GABRB1: variants seen among roughly 807,000 people sequenced by gnomAD.
The protein encoded by GABRB1 is gamma-aminobutyric acid receptor subunit beta-1.
A neutral mutation model predicts 51.6 loss-of-function variants in GABRB1; 17 were observed. That is an observed-to-expected ratio of 0.33 (90% confidence interval 0.23 to 0.49). The LOEUF (loss-of-function observed/expected upper bound fraction) is 0.49. Ranked by LOEUF, GABRB1 falls within the 20% of genes least tolerant of loss-of-function variation. The pLI is 0.99. For synonymous variants in GABRB1, 247 were observed against 218.9 expected, an observed-to-expected ratio of 1.13 and a Z score of -1.14; for missense variants, 410 against 600.6, an observed-to-expected ratio of 0.68 and a Z score of 3.32.
chr4:47,370,350 G>C (rs189958504), intron 5 of GABRB1, among the ~76,000 whole-genome samples: 3 of 152,130 alleles, frequency 2.0e-5, no homozygotes, highest in Non-Finnish European at 4.4e-5. Context: ...AGCTGGGCAT[G>C]GTGCCAGGCA....
chr4:47,140,250 T>C (rs940952728), intron 3 of GABRB1, among the ~76,000 whole-genome samples: 1 of 152,016 alleles, frequency 6.6e-6, no homozygotes, highest in Admixed American at 6.6e-5. Flanking sequence ...ACATTTTGTC[T>C]GACTTTTTCA....
chr4:47,134,802 G>A (rs1336646650), intron 3 of GABRB1, among the ~76,000 whole-genome samples: 2 of 152,150 alleles, frequency 1.3e-5, no homozygotes. Flanking sequence ...GGAAGGACAA[G>A]TAAGACTTTA....
Position 47,032,492 on chromosome 4 carries a change from G to A in GABRB1, c.240+8G>A, listed in dbSNP as rs776324195. On this transcript the variant is annotated splice_region_variant and intron_variant, in intron 3 of 8. Transcript: ENST00000295454. Reference sequence around the variant, plus strand: ...GTCTCCGAAGTGAATATGGTGAGTGGCCTCCCGAGGGGCCCGGCGGTTCGG... The same window carrying A: ...GTCTCCGAAGTGAATATGGTGAGTGACCTCCCGAGGGGCCCGGCGGTTCGG... The A allele has an allele frequency of 6.2e-7, 1 of 1,613,556 alleles. No homozygotes were observed. Among genetic ancestry groups the A allele is most frequent in the Non-Finnish European group, 8.5e-7 (1 of 1,179,624 alleles).
chr4:47,185,966 A>G (rs1324308997), intron 4 of GABRB1, among the ~76,000 whole-genome samples: 1 of 151,826 alleles, frequency 6.6e-6, no homozygotes, highest in Non-Finnish European at 1.5e-5. Flanking sequence ...GAGGAGTACC[A>G]TGCGTGGCTA....
intron 4 of GABRB1, among the ~76,000 whole-genome samples, chr4:47,245,807 C>T (rs185872967): frequency 6.8e-6 from 1 of 147,952 alleles, no homozygotes; most frequent in African/African-American, 2.5e-5. Flanking sequence ...GTGGTCTTTT[C>T]GTTTTTCTTT....
intron 4 of GABRB1, among the ~76,000 whole-genome samples, chr4:47,262,980 G>C (rs1050781326): frequency 8.8e-5 from 13 of 147,206 alleles, no homozygotes; most frequent in Admixed American, 5.6e-4. Flanking sequence ...ACTCATAGGT[G>C]GGAATTGAAC....
chr4:47,251,974 G>A (rs1530302), intron 4 of GABRB1, among the ~76,000 whole-genome samples: 32,369 of 152,022 alleles, frequency 0.21, 3,649 homozygotes, highest in African/African-American at 0.27. Context: ...TCTGCATGCT[G>A]GATTCACGCC....
intron 4 of GABRB1, among the ~76,000 whole-genome samples, chr4:47,250,812 T>C (rs1250896715): frequency 2.0e-5 from 3 of 152,216 alleles, no homozygotes; most frequent in African/African-American, 7.2e-5. Context: ...GAATCTTTTT[T>C]AAGCTATCTA....
At chr4:47,175,227 T>C (rs1210720431) in intron 4 of GABRB1, among the ~76,000 whole-genome samples, 3 of 151,746 alleles carry the variant, frequency 2.0e-5, no homozygotes, top group Non-Finnish European at 4.4e-5. Context: ...TTTCTTCTCT[T>C]TCTTCTTTCT....
At chr4:47,154,215 C>A (rs142426470) in intron 3 of GABRB1, among the ~76,000 whole-genome samples, 1 of 149,356 alleles carries the variant, frequency 6.7e-6, no homozygotes, top group Non-Finnish European at 1.5e-5. Flanking sequence ...ATTTATCAGG[C>A]CATTTTTCAC....
intron 4 of GABRB1, among the ~76,000 whole-genome samples, chr4:47,208,887 A>G (rs1015453626): frequency 7.9e-5 from 12 of 152,110 alleles, no homozygotes; most frequent in Middle Eastern, 3.2e-3. Context: ...AGCTTTTGGT[A>G]CTATCAGTGT....
chr4:47,148,394 G>A (rs1369165008), intron 3 of GABRB1, among the ~76,000 whole-genome samples: 5 of 152,016 alleles, frequency 3.3e-5, no homozygotes, highest in African/African-American at 1.2e-4. Context: ...ATAAGTTTAC[G>A]CTCATCCTTT....
At chr4:47,305,595 A>G (rs747182425) in intron 4 of GABRB1, among the ~76,000 whole-genome samples, 5 of 152,136 alleles carry the variant, frequency 3.3e-5, no homozygotes, top group Non-Finnish European at 7.4e-5. Flanking sequence ...GGTGGAAGTC[A>G]CACAAGAAGC....
chr4:47,084,587 C>G (rs1727989019), intron 3 of GABRB1, among the ~76,000 whole-genome samples: 1 of 152,160 alleles, frequency 6.6e-6, no homozygotes, highest in African/African-American at 2.4e-5. Context: ...CCTAGAAGCA[C>G]TTAACATAGC....
intron 5 of GABRB1, among the ~76,000 whole-genome samples, chr4:47,364,293 ATTTAC>A (rs1726904208): frequency 6.6e-6 from 1 of 152,148 alleles, no homozygotes; most frequent in Admixed American, 6.6e-5. Flanking sequence ...AAACTGTCCA[ATTTAC>A]TTTATGAGTA....
intron 4 of GABRB1, among the ~76,000 whole-genome samples, chr4:47,256,847 T>C (rs1343579170): frequency 6.6e-6 from 1 of 152,168 alleles, no homozygotes; most frequent in Non-Finnish European, 1.5e-5. Flanking sequence ...CAACATTAGA[T>C]TTGGACGTGG....
intron 4 of GABRB1, among the ~76,000 whole-genome samples, chr4:47,181,822 G>T (rs749426318): frequency 6.6e-6 from 1 of 151,994 alleles, no homozygotes; most frequent in Non-Finnish European, 1.5e-5. Flanking sequence ...TCTTCCCCGG[G>T]AGAATTTTCC....
intron 4 of GABRB1, among the ~76,000 whole-genome samples, chr4:47,294,298 C>A (rs548379153): frequency 2.0e-5 from 3 of 152,128 alleles, no homozygotes; most frequent in African/African-American, 7.2e-5. Flanking sequence ...TGAAGCAGGG[C>A]GAGGCATTGC....
At chr4:47,007,184 A>G (rs1724431557) in intron 1 of GABRB1, among the ~76,000 whole-genome samples, 1 of 152,182 alleles carries the variant, frequency 6.6e-6, no homozygotes, top group African/African-American at 2.4e-5. Context: ...TAAACTTTAA[A>G]TGTAAAGACA....
Sources: allele counts gnomAD v4.1 joint callset (sites outside exome capture counted in the v4.1 genomes callset), GRCh38; gene constraint gnomAD v4.1.1; transcripts MANE v1.5; gene names NCBI Gene and HGNC (gene_info 2026-07-23, HGNC 2026-07-21).